NEO1: variants seen among roughly 807,000 people sequenced by gnomAD.
The protein encoded by NEO1 is neogenin 1, also known as neogenin.
NEO1 carries 63 observed loss-of-function variants against 159.7 expected under a neutral mutation model. The ratio of observed to expected loss-of-function variants is 0.39; its 90% confidence interval spans 0.32 to 0.49. NEO1 has a LOEUF of 0.49. Ranked by LOEUF, NEO1 falls within the 20% of genes least tolerant of loss-of-function variation. NEO1 has a pLI of 0.85. For synonymous variants in NEO1, 633 were observed against 662.0 expected (o/e 0.96, Z 0.67); for missense variants, 1,615 against 1,831.0 (o/e 0.88, Z 2.15).
chr15:73,276,851 C>A (rs1014012003), intron 21 of NEO1, among the ~76,000 whole-genome samples: 20 of 152,168 alleles, frequency 1.3e-4, no homozygotes, highest in Admixed American at 2.6e-4. Context: ...AAATAACTCT[C>A]ATTTATAAGT....
rs533389662 is a variant in NEO1 at position 73,304,902 on chromosome 15, C to T, written c.*2206C>T. The T allele has an allele frequency of 1.5e-3, 229 of 152,216 alleles. No individual in the cohort carries two copies. The highest frequency in any genetic ancestry group is 5.2e-3 in the African/African-American group (216 of 41,536). 9.4% of individuals were successfully genotyped at this position (152,216 alleles called of 1,614,324 possible). On this transcript the variant is annotated 3_prime_UTR_variant, in exon 29 of 29. Transcript: ENST00000261908. Reference sequence around the variant, plus strand: ...GAAAAAGGAAAGCTATTCTGTATTGCACCTTTTCACAATTTAATACATTTT... The same window carrying T: ...GAAAAAGGAAAGCTATTCTGTATTGTACCTTTTCACAATTTAATACATTTT...
chr15:73,128,537 G>A (rs1271502205), intron 4 of NEO1, among the ~76,000 whole-genome samples: 1 of 152,152 alleles, frequency 6.6e-6, no homozygotes, highest in Non-Finnish European at 1.5e-5. Flanking sequence ...TGTCATGCAT[G>A]TTCTAGGTGC....
At chr15:73,146,347 G>A (rs1221298622) in intron 5 of NEO1, among the ~76,000 whole-genome samples, 3 of 152,070 alleles carry the variant, frequency 2.0e-5, no homozygotes, top group Non-Finnish European at 4.4e-5. Flanking sequence ...CCGTACTTCT[G>A]GATAAGATGT....
At chr15:73,099,141 C>T (rs898354831) in intron 1 of NEO1, among the ~76,000 whole-genome samples, 1 of 152,108 alleles carries the variant, frequency 6.6e-6, no homozygotes, top group African/African-American at 2.4e-5. Context: ...ATATATATGA[C>T]TTCATTGTGG....
Position 73,236,396 on chromosome 15 carries a change from C to T in NEO1, c.1341C>T (p.Ala447=), listed in dbSNP as rs1439951300. 1 of 1,613,996 alleles carries T rather than the reference C, an allele frequency of 6.2e-7. No individual in the cohort carries two copies. Among genetic ancestry groups the T allele is most frequent in the Non-Finnish European group, 8.5e-7 (1 of 1,180,026 alleles). Residue 447 remains alanine (A), a synonymous_variant, in exon 8 of 29, where the codon GCC becomes GCT. Coordinates refer to ENST00000261908, the MANE Select transcript of NEO1 (RefSeq NM_002499.4). ...CTTCAGCTCCTCGGGATGTCGTGGC[C>T]TCCCTGGTCTCTACCCGCTTCATCA... The part of the protein sequence containing the change: ...PLPSAPRDVV[A]SLVSTRFIKL...
intron 23 of NEO1, among the ~76,000 whole-genome samples, chr15:73,285,840 A>G (rs1193131159): frequency 6.6e-6 from 1 of 152,048 alleles, no homozygotes; most frequent in African/African-American, 2.4e-5. Context: ...ACCTTTCTAC[A>G]CTGGTAATCA....
intron 9 of NEO1, among the ~76,000 whole-genome samples, chr15:73,247,177 G>C (rs963487694): frequency 1.3e-5 from 2 of 152,208 alleles, no homozygotes; most frequent in Admixed American, 1.3e-4. Flanking sequence ...AAGAGAAGCA[G>C]TTTCTGAAGA....
In NEO1 at chr15:73,052,499, G is replaced by C. The variant is rs1467791251; in HGVS notation, c.-177G>C. 4.8e-6 allele frequency: 1 copy of C among 206,472 alleles called. No homozygotes were observed. The highest frequency in any genetic ancestry group is 6.5e-5 in the Admixed American group (1 of 15,412). 12.8% of individuals were successfully genotyped at this position (206,472 alleles called of 1,614,324 possible). A position where few individuals can be genotyped will look rare whatever the true frequency, so the allele number is the denominator to read the frequency against. ...CCCCTTGCAGGAGGGAGGCGCCCTGGAGTCTCCCCTCCAGCGAGAGGGGCT... is the reference window on the plus strand; with the variant it reads ...CCCCTTGCAGGAGGGAGGCGCCCTGCAGTCTCCCCTCCAGCGAGAGGGGCT... On this transcript the variant is annotated 5_prime_UTR_variant, in exon 1 of 29. Transcript: ENST00000261908.
Position 73,301,499 on chromosome 15 carries a change from A to G in NEO1, c.4302+42A>G, listed in dbSNP as rs754659534. 6 of 1,613,388 alleles carry G rather than the reference A, an allele frequency of 3.7e-6. No homozygotes were observed. The East Asian group carries it at 8.9e-5, about 24-fold the overall frequency. On this transcript the variant is annotated intron_variant, in intron 28 of 28. Transcript: ENST00000261908. ...ATCAGTCCAGCCAGATTGCCTGGGA[A>G]CATGCCCCAGGGCCTGAGACTGCTG... is the stretch of plus-strand genomic sequence containing the variant.
intron 5 of NEO1, among the ~76,000 whole-genome samples, chr15:73,171,612 C>CTAT (rs10549726): frequency 0.032 from 4,401 of 138,970 alleles, 106 homozygotes; most frequent in East Asian, 0.11. Flanking sequence ...TATTAAGAAA[C>CTAT]TATTATTATT....
At chr15:73,151,014 G>A (rs769292523) in intron 5 of NEO1, among the ~76,000 whole-genome samples, 11 of 152,126 alleles carry the variant, frequency 7.2e-5, no homozygotes, top group Non-Finnish European at 1.6e-4. Flanking sequence ...TTTCTGAGTA[G>A]TGTATGCCAG....
intron 7 of NEO1, among the ~76,000 whole-genome samples, chr15:73,186,831 C>T (rs759677207): frequency 6.6e-6 from 1 of 152,102 alleles, no homozygotes; most frequent in Non-Finnish European, 1.5e-5. Context: ...ATATTTTAGG[C>T]TTAATGGGTC....
At chr15:73,211,479 G>A (rs531862492) in intron 7 of NEO1, among the ~76,000 whole-genome samples, 53 of 152,328 alleles carry the variant, frequency 3.5e-4, no homozygotes, top group African/African-American at 1.3e-3. Flanking sequence ...CACTTTGGGA[G>A]GCCGAGGCGG....
chr15:73,054,416 A>G (rs1422846521), intron 1 of NEO1, among the ~76,000 whole-genome samples: 1 of 152,244 alleles, frequency 6.6e-6, no homozygotes, highest in Non-Finnish European at 1.5e-5. Context: ...TATTTTGCAC[A>G]GATGAGGTGC....
intron 7 of NEO1, among the ~76,000 whole-genome samples, chr15:73,183,376 G>A (rs898313751): frequency 6.6e-6 from 1 of 152,170 alleles, no homozygotes; most frequent in Non-Finnish European, 1.5e-5. Flanking sequence ...CTGCTTAGAG[G>A]AGGAACCCTC....
intron 23 of NEO1, among the ~76,000 whole-genome samples, chr15:73,284,303 G>C (rs909626524): frequency 2.0e-5 from 3 of 152,190 alleles, no homozygotes; most frequent in African/African-American, 4.8e-5. Flanking sequence ...ATGTTTATGT[G>C]ATTATCCATG....
At position 73,298,925 on chromosome 15, in the gene NEO1, G is replaced by A. The variant is rs148696665; in HGVS notation, c.4165+314G>A. On this transcript the variant is annotated intron_variant, in intron 27 of 28. Transcript: ENST00000261908. ...TGGGAATGGATAGCAGATCTAGTCT[G>A]CCCAGACCCCTGGAATCACCTCACT... Among the ~76,000 whole-genome samples, 116 of 152,304 alleles carry A rather than the reference G, an allele frequency of 7.6e-4. 1 individual carries two copies. The highest frequency in any genetic ancestry group is 2.7e-3 in the African/African-American group (112 of 41,560).
rs745430133 is a variant in NEO1, at chr15:73,249,639, G to A, written c.1812G>A (p.Glu604=). 3.1e-6 allele frequency: 5 copies of A among 1,613,822 alleles called. No individual in the cohort carries two copies. In the East Asian group the frequency reaches 6.7e-5, roughly 22 times the overall value. ...YTINGLKKYT[E]YSFRVVAYNK... ...TTAATGGGTTGAAAAAATATACAGA[G>A]TATAGTTTCCGAGTGGTGGCCTACA... The change falls in exon 11 of 29, where the codon GAG becomes GAA. Residue 604 remains glutamate, a synonymous_variant. Transcript: ENST00000261908.
chr15:73,132,392 C>G (rs2031247943), intron 4 of NEO1, among the ~76,000 whole-genome samples: 1 of 152,126 alleles, frequency 6.6e-6, no homozygotes, highest in African/African-American at 2.4e-5. Context: ...TGTGTCATTA[C>G]TCTGCTCAAA....
Sources: gnomAD v4.1 joint callset for allele counts (sites outside exome capture counted in the v4.1 genomes callset) on GRCh38, gnomAD v4.1.1 for gene constraint, MANE v1.5 for transcripts, NCBI Gene and HGNC (gene_info 2026-07-23, HGNC 2026-07-21) for gene names.